GNL3L: variants seen among roughly 807,000 people sequenced by gnomAD.
The protein encoded by GNL3L is G protein nucleolar 3 like.
Under a neutral mutation model 42.9 loss-of-function variants are expected in GNL3L, and 4 were observed. The ratio of observed to expected loss-of-function variants is 0.09; its 90% confidence interval spans 0.05 to 0.21. GNL3L has a LOEUF of 0.21. GNL3L is among the 10% of genes least tolerant of loss of function. The pLI, the probability that GNL3L is intolerant of heterozygous loss-of-function variation, is 1.00. For missense variants in GNL3L, 412 were observed against 481.7 expected (o/e 0.86, Z 1.36); for synonymous variants, 159 against 176.3 (o/e 0.90, Z 0.78).
At chrX:54,549,911 G>T (rs1312663393) in intron 9 of GNL3L, among the ~76,000 whole-genome samples, 3 of 110,627 alleles carry the variant, frequency 2.7e-5, no homozygotes, top group African/African-American at 9.9e-5. Flanking sequence ...AAGAGACACC[G>T]TGAGACACAT....
rs187180491 is a variant in GNL3L, at chrX:54,546,921, C to T, written c.631-1308C>T. 3.7e-3 allele frequency among the ~76,000 whole-genome samples: 411 copies of T among 110,364 alleles called. 2 individuals are homozygous for T. The highest frequency in any genetic ancestry group is 0.012 in the African/African-American group (378 of 30,384). ...TTAGCTTCCCAAAGTACTGGGATTA[C>T]AGGTTTGAGCCACCGTGCCCAGCTT... On this transcript the variant is annotated intron_variant, in intron 8 of 15. Coordinates refer to ENST00000360845, the MANE Select transcript of GNL3L (RefSeq NM_001184819.2).
intron 16 of GNL3L, among the ~76,000 whole-genome samples, chrX:54,608,941 T>C (rs1300109974): frequency 8.9e-6 from 1 of 112,110 alleles, no homozygotes; most frequent in African/African-American, 3.2e-5. Context: ...CTGTTTTCCA[T>C]AGTGGCTGTA....
chrX:54,618,761 G>T (rs914151688), intron 16 of GNL3L, among the ~76,000 whole-genome samples: 1 of 111,034 alleles, frequency 9.0e-6, no homozygotes, highest in Admixed American at 9.6e-5. Flanking sequence ...GCCAAACATG[G>T]TGACATACAC....
chrX:54,641,931 A>G, the GNL3L span, among the ~76,000 whole-genome samples: 1 of 111,765 alleles, frequency 8.9e-6, no homozygotes, highest in African/African-American at 3.3e-5. Context: ...TACAGAGAGA[A>G]GCAGACATGT....
Position 54,619,462 on chromosome X carries a change from C to T in GNL3L, c.*46-1383C>T, listed in dbSNP as rs750890426. Among the ~76,000 whole-genome samples, 9 of 109,465 alleles carry T rather than the reference C, an allele frequency of 8.2e-5. No homozygotes were observed. In the South Asian group the frequency reaches 3.6e-3, roughly 43 times the overall value. ...GAAATATAGGTACAAACATTAACTG[C>T]GGGAGTAGGAGTTACAGGAGTAGGG... On this transcript the variant is annotated intron_variant, in intron 16 of 16. Coordinates refer to the GNL3L transcript ENST00000674498.
intron 16 of GNL3L, among the ~76,000 whole-genome samples, chrX:54,590,670 A>G (rs1048241327): frequency 2.7e-5 from 3 of 111,601 alleles, no homozygotes; most frequent in East Asian, 2.8e-4. Flanking sequence ...CTTATTGGGT[A>G]TTATTCAAGA....
In GNL3L at chrX:54,551,656, A is replaced by G; in HGVS notation, c.952A>G (p.Ile318Val). Residue 318 changes from isoleucine (I) to valine (V), a missense_variant, in exon 11 of 16, where the codon ATC becomes GTC. Coordinates refer to ENST00000360845, the MANE Select transcript of GNL3L (RefSeq NM_001184819.2). ...VPGPNSEVGT[I>V]LRNCVHVQKL... Reference sequence around the variant, plus strand: ...AGGGCCCAACTCAGAGGTGGGCACCATCCTGCGTAACTGCGTCCACGTGCA... The same window carrying G: ...AGGGCCCAACTCAGAGGTGGGCACCGTCCTGCGTAACTGCGTCCACGTGCA... The G allele has an allele frequency of 8.3e-7, 1 of 1,210,606 alleles. No homozygotes were observed.
At chrX:54,568,742 A>G (rs1168900521), downstream of GNL3L, among the ~76,000 whole-genome samples, 3 of 111,214 alleles carry the variant, frequency 2.7e-5, no homozygotes, top group Non-Finnish European at 5.7e-5. Flanking sequence ...TTTAGTAGAG[A>G]TGGGGTTTCA....
At chrX:54,534,178 GT>G (rs61357185) in intron 2 of GNL3L, among the ~76,000 whole-genome samples, 7,603 of 97,061 alleles carry the variant, frequency 0.078, 622 homozygotes, top group African/African-American at 0.25. Context: ...ACCACACCTG[GT>G]TTTTTTTTTT....
At chrX:54,571,887 C>T (rs1250755123), downstream of GNL3L, among the ~76,000 whole-genome samples, 1 of 109,503 alleles carries the variant, frequency 9.1e-6, no homozygotes, top group Non-Finnish European at 1.9e-5. Flanking sequence ...ACTCCAGTTA[C>T]CTATTTTAAG....
intron 8 of GNL3L, among the ~76,000 whole-genome samples, chrX:54,546,486 C>G (rs1394510928): frequency 9.0e-6 from 1 of 111,462 alleles, no homozygotes; most frequent in East Asian, 2.8e-4. Flanking sequence ...ATGAATCACC[C>G]TCCGTGATGG....
chrX:54,587,146 G>T (rs1162346568), intron 16 of GNL3L, among the ~76,000 whole-genome samples: 1 of 112,135 alleles, frequency 8.9e-6, no homozygotes, highest in African/African-American at 3.2e-5. Context: ...GAGGTCAAGA[G>T]TCAGCCTGCC....
chrX:54,622,103 A>G (rs1031030959), downstream of GNL3L, among the ~76,000 whole-genome samples: 1 of 110,039 alleles, frequency 9.1e-6, no homozygotes, highest in Non-Finnish European at 1.9e-5. Context: ...AAATTATACC[A>G]ATTTTAATAG....
chrX:54,572,564 A>G (rs1471314060), intron 16 of GNL3L, among the ~76,000 whole-genome samples: 1 of 110,553 alleles, frequency 9.0e-6, no homozygotes, highest in Non-Finnish European at 1.9e-5. Context: ...GGGGCTCCTC[A>G]CTTCCCAGTA....
chrX:54,579,906 G>A (rs1307143672), intron 16 of GNL3L, among the ~76,000 whole-genome samples: 5 of 107,659 alleles, frequency 4.6e-5, no homozygotes, highest in Non-Finnish European at 9.5e-5. Context: ...TTGAACTCCT[G>A]ACCTCAGGTG....
intron 13 of GNL3L, among the ~76,000 whole-genome samples, chrX:54,552,732 G>A (rs1924984791): frequency 8.9e-6 from 1 of 111,924 alleles, no homozygotes; most frequent in African/African-American, 3.2e-5. Context: ...GACCTGGAAT[G>A]GACTGAGACA....
In GNL3L at chrX:54,554,828, C is replaced by T; in HGVS notation, c.1446+136C>T. On this transcript the variant is annotated intron_variant, in intron 14 of 15. Coordinates refer to ENST00000360845, the MANE Select transcript of GNL3L (RefSeq NM_001184819.2). ...TCCCTATGGGCTTCTGGATGCCTGG[C>T]CTAGTATATCCTTTACCAAGCAATG... The T allele has an allele frequency of 6.0e-6, 3 of 499,952 alleles. No individual in the cohort carries two copies. In the South Asian group the frequency reaches 9.7e-5, roughly 16 times the overall value. The allele number at this position is 499,952 out of a possible 1,213,427, so 41.2% of individuals were successfully genotyped here.
chrX:54,568,431 T>A (rs1925493837), downstream of GNL3L, among the ~76,000 whole-genome samples: 1 of 111,774 alleles, frequency 8.9e-6, no homozygotes, highest in East Asian at 2.8e-4. Flanking sequence ...GTTGTCAGGG[T>A]TACACTCTCT....
intron 5 of GNL3L, 80 bp downstream of exon 5, chrX:54,541,469 G>A (rs1464493822): frequency 4.7e-5 from 24 of 512,030 alleles, no homozygotes; most frequent in South Asian, 3.9e-4. Flanking sequence ...AAGAAGGTGT[G>A]AAGTTGTTGG....
Sources: allele counts gnomAD v4.1 joint callset (sites outside exome capture counted in the v4.1 genomes callset), GRCh38; gene constraint gnomAD v4.1.1; transcripts MANE v1.5; gene names NCBI Gene and HGNC (gene_info 2026-07-23, HGNC 2026-07-21).